PTPRC: variants seen among roughly 807,000 people sequenced by gnomAD.
PTPRC encodes receptor-type tyrosine-protein phosphatase C.
Under a neutral mutation model 155.9 loss-of-function variants are expected in PTPRC, and 44 were observed. The ratio of observed to expected loss-of-function variants is 0.28; its 90% confidence interval spans 0.22 to 0.36. The LOEUF (loss-of-function observed/expected upper bound fraction) is 0.36. Ranked by LOEUF, PTPRC falls within the 10% of genes least tolerant of loss-of-function variation. The pLI is 1.00. For missense variants in PTPRC, 1,401 were observed against 1,564.6 expected, an observed-to-expected ratio of 0.90 and a Z score of 1.76; for synonymous variants, 525 against 533.1, an observed-to-expected ratio of 0.98 and a Z score of 0.21.
At chr1:198,657,151 A>G (rs1217994555) in intron 2 of PTPRC, among the ~76,000 whole-genome samples, 1 of 151,970 alleles carries the variant, frequency 6.6e-6, no homozygotes, top group Non-Finnish European at 1.5e-5. Flanking sequence ...TCTGAAATCC[A>G]AAATATTCAC....
At chr1:198,754,049 CAAAT>C (rs895240504) in intron 31 of PTPRC, among the ~76,000 whole-genome samples, 13 of 151,872 alleles carry the variant, frequency 8.6e-5, no homozygotes, top group African/African-American at 3.1e-4. Context: ...AAGTCGAAGA[CAAAT>C]AAGTTTTCAA....
intron 2 of PTPRC, among the ~76,000 whole-genome samples, chr1:198,682,509 T>C (rs1215967179): frequency 6.6e-6 from 1 of 152,244 alleles, no homozygotes; most frequent in Admixed American, 6.5e-5. Context: ...TGGTTGGTGC[T>C]GTAAACACGT....
At chr1:198,662,696 A>C (rs1664045347) in intron 2 of PTPRC, among the ~76,000 whole-genome samples, 1 of 152,142 alleles carries the variant, frequency 6.6e-6, no homozygotes, top group Admixed American at 6.5e-5. Context: ...TTTTTCTTCC[A>C]CTTTCCACAC....
Position 198,724,676 on chromosome 1 carries a change from TTCTC to T in PTPRC, c.1720+2224_1720+2227del, listed in dbSNP as rs59471727. ...ATTTTACTTTCTAATTCCATCCTGA[TTCTC>T]TCTCTCTCTCTCTCTCTCTCTCTTT... On this transcript the variant is annotated intron_variant, in intron 15 of 32. Transcript: ENST00000442510. Among the ~76,000 whole-genome samples the T allele has an allele frequency of 4.7e-3, 694 of 148,600 alleles. 7 individuals carry two copies. Among genetic ancestry groups the T allele is most frequent in the African/African-American group, 0.012 (493 of 40,570 alleles).
intron 2 of PTPRC, chr1:198,667,129 C>A (rs1389825840): frequency 6.6e-6 from 1 of 152,196 alleles, no homozygotes; most frequent in Non-Finnish European, 1.5e-5. Context: ...AAAGGGAAGG[C>A]AAAGTGGTAA....
Position 198,716,728 on chromosome 1 carries a change from G to T in PTPRC, c.1338G>T (p.Leu446Phe). ...NLDKNLIKYD[L>F]QNLKPYTKYV... ...ATAAAAACCTGATCAAATATGATTT[G>T]CAAAATTTAAAACCTTATACGAAAT... The change falls in exon 13 of 33, where the codon TTG becomes TTT. Residue 446 changes from leucine (L) to phenylalanine (F), a missense_variant. Transcript: ENST00000442510. The T allele has an allele frequency of 6.2e-7, 1 of 1,612,362 alleles. No individual in the cohort carries two copies. The highest frequency in any genetic ancestry group is 8.5e-7 in the Non-Finnish European group (1 of 1,179,752).
intron 26 of PTPRC, among the ~76,000 whole-genome samples, chr1:198,745,186 T>A (rs1655084007): frequency 6.6e-6 from 1 of 151,760 alleles, no homozygotes; most frequent in Non-Finnish European, 1.5e-5. Flanking sequence ...GACAGACAAT[T>A]TTTTTCACTA....
chr1:198,732,605 C>A, intron 20 of PTPRC, 49 bp downstream of exon 20: 1 of 1,384,908 alleles, frequency 7.2e-7, no homozygotes, highest in Admixed American at 1.8e-5. Context: ...TCATTCAGCT[C>A]CTTGTTTGTC....
chr1:198,731,870 A>G (rs1558028312), intron 18 of PTPRC, 144 bp downstream of exon 18: 5 of 717,464 alleles, frequency 7.0e-6, no homozygotes, highest in Non-Finnish European at 1.3e-5. Context: ...GCAGATCTCT[A>G]TGAACCAGAA....
At chr1:198,738,416 T>C (rs182286180) in intron 23 of PTPRC, among the ~76,000 whole-genome samples, 48 of 152,034 alleles carry the variant, frequency 3.2e-4, no homozygotes, top group African/African-American at 1.1e-3. Flanking sequence ...ATCATGTCTT[T>C]TGTCCTTCAT....
At chr1:198,687,095 C>T (rs1459971990) in intron 2 of PTPRC, among the ~76,000 whole-genome samples, 1 of 152,168 alleles carries the variant, frequency 6.6e-6, no homozygotes, top group African/African-American at 2.4e-5. Context: ...AGCCTCAACA[C>T]ACACTCATGG....
chr1:198,684,258 G>A (rs1221221164), intron 2 of PTPRC, among the ~76,000 whole-genome samples: 2 of 151,300 alleles, frequency 1.3e-5, no homozygotes, highest in East Asian at 1.9e-4. Flanking sequence ...TATATAACAT[G>A]ATGTTTTAAA....
At chr1:198,650,127 G>A (rs1382142668) in intron 2 of PTPRC, among the ~76,000 whole-genome samples, 1 of 151,832 alleles carries the variant, frequency 6.6e-6, no homozygotes, top group East Asian at 1.9e-4. Context: ...GGCATCTGTA[G>A]TATGGTGAGT....
At chr1:198,687,806 G>A (rs1019459981) in intron 2 of PTPRC, among the ~76,000 whole-genome samples, 1 of 151,976 alleles carries the variant, frequency 6.6e-6, no homozygotes, top group Non-Finnish European at 1.5e-5. Flanking sequence ...CATCACTCTA[G>A]TGCATACCTT....
intron 20 of PTPRC, among the ~76,000 whole-genome samples, chr1:198,733,217 C>T (rs1265365112): frequency 1.3e-5 from 2 of 151,434 alleles, no homozygotes; most frequent in Non-Finnish European, 3.0e-5. Context: ...TTCTTTTTGT[C>T]TCCCCAAATC....
At chr1:198,714,335 A>C (rs1653459657) in intron 12 of PTPRC, among the ~76,000 whole-genome samples, 1 of 146,926 alleles carries the variant, frequency 6.8e-6, no homozygotes, top group Non-Finnish European at 1.5e-5. Context: ...TTATATTTTT[A>C]CAGTTTTTTT....
chr1:198,681,230 T>A (rs1665308615), intron 2 of PTPRC, among the ~76,000 whole-genome samples: 1 of 152,178 alleles, frequency 6.6e-6, no homozygotes, highest in African/African-American at 2.4e-5. Flanking sequence ...ATATTTTCTA[T>A]CTTATGAAAT....
intron 2 of PTPRC, among the ~76,000 whole-genome samples, chr1:198,651,004 T>C (rs1457445509): frequency 6.6e-6 from 1 of 151,912 alleles, no homozygotes; most frequent in African/African-American, 2.4e-5. Flanking sequence ...CTATTAACTT[T>C]AATATTGTTA....
intron 2 of PTPRC, among the ~76,000 whole-genome samples, chr1:198,680,358 C>A (rs1665244843): frequency 6.6e-6 from 1 of 151,446 alleles, no homozygotes. Context: ...GAGGCTGAGG[C>A]AGGAGAACCG....
Sources: gnomAD v4.1 joint callset for allele counts (sites outside exome capture counted in the v4.1 genomes callset) on GRCh38, gnomAD v4.1.1 for gene constraint, MANE v1.5 for transcripts, NCBI Gene and HGNC (gene_info 2026-07-23, HGNC 2026-07-21) for gene names.